The following KIAA0825 variants were observed in gnomAD, a reference collection of about 807,000 sequenced individuals.
The protein encoded by KIAA0825 is uncharacterized protein KIAA0825.
A neutral mutation model predicts 147.6 loss-of-function variants in KIAA0825; 119 were observed. The observed-to-expected ratio is 0.81, with a 90% CI of 0.69 to 0.94. KIAA0825 has a LOEUF of 0.94. KIAA0825 is among the 40% of genes least tolerant of loss of function. The probability of loss-of-function intolerance (pLI) is 0.00; values close to 1 mark genes in which losing one functional copy is unlikely to be tolerated. For missense variants in KIAA0825, 1,381 were observed against 1,472.7 expected (o/e 0.94, Z 1.02); for synonymous variants, 470 against 518.1 (o/e 0.91, Z 1.26).
At chr5:94,165,101 A>G (rs1278793084) in intron 20 of KIAA0825, among the ~76,000 whole-genome samples, 1 of 152,202 alleles carries the variant, frequency 6.6e-6, no homozygotes, top group Non-Finnish European at 1.5e-5. Context: ...AAATATTTGC[A>G]CACTACTCTT....
intron 18 of KIAA0825, 144 bp downstream of exon 18, chr5:94,391,391 A>G (rs761191714): frequency 1.7e-4 from 129 of 743,034 alleles, no homozygotes; most frequent in Middle Eastern, 3.9e-4. Context: ...CCGGGGCTGA[A>G]TAGATTCTAT....
At chr5:94,205,317 T>C (rs2150032282) in intron 20 of KIAA0825, among the ~76,000 whole-genome samples, 1 of 139,362 alleles carries the variant, frequency 7.2e-6, no homozygotes, top group South Asian at 2.3e-4. Context: ...TTGTTTTGTT[T>C]TTGAGACGGA....
At chr5:94,401,296 G>A (rs1240149278) in intron 16 of KIAA0825, among the ~76,000 whole-genome samples, 1 of 150,830 alleles carries the variant, frequency 6.6e-6, no homozygotes, top group Non-Finnish European at 1.5e-5. Flanking sequence ...TAATATGGCT[G>A]TGAAGAGCTC....
rs1029228335 is a variant in KIAA0825 at position 94,275,559 on chromosome 5, C to T, written c.3710+108809G>A. On this transcript the variant is annotated intron_variant, in intron 20 of 20. Transcript: ENST00000682413. ...TAAACTCAGGACCTAGCACACAGTT[C>T]GTACTCAAAAAAATCTTTGTTGAAT... is the stretch of plus-strand genomic sequence containing the variant. 8.6e-5 allele frequency among the ~76,000 whole-genome samples: 13 copies of T among 152,016 alleles called. 1 individual carries two copies. Among genetic ancestry groups the T allele is most frequent in the Admixed American group, 3.9e-4 (6 of 15,238 alleles).
chr5:94,412,900 T>C (rs910280983), intron 15 of KIAA0825: 2 of 151,760 alleles, frequency 1.3e-5, no homozygotes, highest in Non-Finnish European at 2.9e-5. Context: ...AAAACCTGCA[T>C]ATATGCAGGT....
chr5:94,387,676 C>T (rs1749342020), intron 18 of KIAA0825, among the ~76,000 whole-genome samples: 1 of 150,198 alleles, frequency 6.7e-6, no homozygotes, highest in Non-Finnish European at 1.5e-5. Context: ...GCCTGGGCGA[C>T]AGAGAGACTC....
chr5:94,315,034 T>C (rs1397525189), intron 20 of KIAA0825, among the ~76,000 whole-genome samples: 1 of 151,636 alleles, frequency 6.6e-6, no homozygotes, highest in East Asian at 1.9e-4. Flanking sequence ...AGGCAATAGC[T>C]AGGGATCTCT....
At chr5:94,240,477 CTTAGT>C (rs1047222820) in intron 20 of KIAA0825, among the ~76,000 whole-genome samples, 2 of 152,164 alleles carry the variant, frequency 1.3e-5, no homozygotes, top group African/African-American at 4.8e-5. Flanking sequence ...TCTGGGCTGA[CTTAGT>C]TTAGTTTAAG....
intron 1 of KIAA0825, chr5:94,594,516 C>T: frequency 1.3e-6 from 1 of 747,126 alleles, no homozygotes. Context: ...GGGACAACTA[C>T]CAGAAATGCC....
At chr5:94,210,490 C>T (rs1472175486) in intron 20 of KIAA0825, among the ~76,000 whole-genome samples, 1 of 152,172 alleles carries the variant, frequency 6.6e-6, no homozygotes, top group Non-Finnish European at 1.5e-5. Flanking sequence ...TAGAGTCATT[C>T]TTATGTCTGG....
chr5:94,563,255 G>A (rs567895685), intron 2 of KIAA0825, among the ~76,000 whole-genome samples: 26 of 152,040 alleles, frequency 1.7e-4, no homozygotes, highest in African/African-American at 5.8e-4. Flanking sequence ...CTACTCCGGA[G>A]GCTGAGGCCA....
intron 1 of KIAA0825, among the ~76,000 whole-genome samples, chr5:94,595,605 C>A (rs533852606): frequency 6.6e-6 from 1 of 152,180 alleles, no homozygotes; most frequent in East Asian, 1.9e-4. Flanking sequence ...TTTGGCTCCT[C>A]GTTACTTACG....
intron 10 of KIAA0825, among the ~76,000 whole-genome samples, chr5:94,468,022 T>C (rs943080410): frequency 3.3e-5 from 5 of 152,342 alleles, no homozygotes; most frequent in African/African-American, 1.2e-4. Flanking sequence ...CCACTAACTC[T>C]GCAATTAAAT....
chr5:94,273,218 T>A (rs1415685370), intron 20 of KIAA0825, among the ~76,000 whole-genome samples: 1 of 152,148 alleles, frequency 6.6e-6, no homozygotes, highest in African/African-American at 2.4e-5. Context: ...AGTTAACAGA[T>A]ACAGAAGTTG....
chr5:94,414,496 A>G (rs1301405067), intron 15 of KIAA0825: 1 of 152,180 alleles, frequency 6.6e-6, no homozygotes, highest in Non-Finnish European at 1.5e-5. Context: ...TGTTGTACTT[A>G]TAGCTTTTGT....
chr5:94,453,089 T>C lies in KIAA0825; in HGVS notation c.2247-20A>G. The C allele has an allele frequency of 8.2e-7, 1 of 1,220,812 alleles. No individual in the cohort carries two copies. Among genetic ancestry groups the C allele is most frequent in the Non-Finnish European group, 1.1e-6 (1 of 876,232 alleles). 75.6% of individuals were successfully genotyped at this position (1,220,812 alleles called of 1,614,324 possible). A position where few individuals can be genotyped will look rare whatever the true frequency, so the allele number is the denominator to read the frequency against. On this transcript the variant is annotated intron_variant, in intron 12 of 20. Transcript: ENST00000682413. ...AAAGTCCTAGGGAAATACAAATAAT[T>C]AGTTTAGAATATACAGGAAGCATTA...
chr5:94,573,035 T>A (rs200450340), intron 2 of KIAA0825, among the ~76,000 whole-genome samples: 2 of 150,506 alleles, frequency 1.3e-5, no homozygotes, highest in East Asian at 3.9e-4. Context: ...TGGTTTCATA[T>A]ATTTTAGGGA....
intron 7 of KIAA0825, among the ~76,000 whole-genome samples, chr5:94,475,245 C>G (rs1761732295): frequency 6.6e-6 from 1 of 152,120 alleles, no homozygotes; most frequent in Non-Finnish European, 1.5e-5. Context: ...AAAACTACCT[C>G]CATGAAAATT....
At chr5:94,590,214 C>T (rs780421164) in intron 1 of KIAA0825, among the ~76,000 whole-genome samples, 89 of 152,164 alleles carry the variant, frequency 5.8e-4, no homozygotes, top group Admixed American at 1.2e-3. Context: ...AGGCTGGTCT[C>T]GAACTCCCAA....
Sources: allele counts gnomAD v4.1 joint callset (sites outside exome capture counted in the v4.1 genomes callset), GRCh38; gene constraint gnomAD v4.1.1; transcripts MANE v1.5; gene names NCBI Gene and HGNC (gene_info 2026-07-23, HGNC 2026-07-21).